DCTN6: variants seen among roughly 807,000 people sequenced by gnomAD.
DCTN6 encodes dynactin subunit 6.
Under a neutral mutation model 25.8 loss-of-function variants are expected in DCTN6, and 15 were observed. The observed-to-expected ratio is 0.58, with a 90% CI of 0.39 to 0.89. DCTN6 has a LOEUF of 0.89. DCTN6 is among the 40% of genes least tolerant of loss of function. The pLI, the probability that DCTN6 is intolerant of heterozygous loss-of-function variation, is 0.00. For synonymous variants in DCTN6, 64 were observed against 78.3 expected, an observed-to-expected ratio of 0.82 and a Z score of 0.96; for missense variants, 198 against 237.6, an observed-to-expected ratio of 0.83 and a Z score of 1.09.
chr8:30,178,367 G>A lies in DCTN6; in HGVS notation c.284-1041G>A, dbSNP rs143397985. ...AATCCCAGCTACTCGGGAGGCTGAG[G>A]CAGGAGAATCACTTGAACCCAGGAG... On this transcript the variant is annotated intron_variant, in intron 4 of 6. Coordinates refer to ENST00000221114, the MANE Select transcript of DCTN6 (RefSeq NM_006571.4). 2.0e-3 allele frequency among the ~76,000 whole-genome samples: 309 copies of A among 151,892 alleles called. 2 individuals carry two copies. The highest frequency in any genetic ancestry group is 7.1e-3 in the African/African-American group (296 of 41,430).
Position 30,163,764 on chromosome 8 carries a change from G to A in DCTN6, c.24-347G>A, listed in dbSNP as rs140440455. Among the ~76,000 whole-genome samples the A allele has an allele frequency of 9.4e-5, 14 of 148,976 alleles. No homozygotes were observed. In the East Asian group the frequency reaches 2.0e-3, roughly 21 times the overall value. On this transcript the variant is annotated intron_variant, in intron 1 of 6. Transcript: ENST00000221114. ...GTTGCCCATGCTTGAGTGCAATGGCGCGATCTCGGCTCACTGCAAACTCTG... is the reference window on the plus strand; with the variant it reads ...GTTGCCCATGCTTGAGTGCAATGGCACGATCTCGGCTCACTGCAAACTCTG...
chr8:30,173,353 A>G (rs370524545), intron 2 of DCTN6, among the ~76,000 whole-genome samples: 13 of 152,372 alleles, frequency 8.5e-5, no homozygotes, highest in African/African-American at 3.1e-4. Context: ...CAAGTTCAAA[A>G]GGACAAAAAT....
At chr8:30,174,293 T>TC (rs1218668014) in intron 2 of DCTN6, among the ~76,000 whole-genome samples, 1 of 151,856 alleles carries the variant, frequency 6.6e-6, no homozygotes, top group African/African-American at 2.4e-5. Context: ...AGCTGTTAGA[T>TC]CCCATAATTT....
At chr8:30,173,743 A>C (rs1803794162) in intron 2 of DCTN6, among the ~76,000 whole-genome samples, 1 of 148,534 alleles carries the variant, frequency 6.7e-6, no homozygotes. Flanking sequence ...AAAAAAAAAA[A>C]AAAAAAAAAA....
intron 1 of DCTN6, among the ~76,000 whole-genome samples, chr8:30,161,000 C>T (rs1585498096): frequency 6.6e-6 from 1 of 152,138 alleles, no homozygotes; most frequent in East Asian, 1.9e-4. Context: ...GCTACCAGTG[C>T]ATTTGATATG....
At chr8:30,173,754 A>T (rs1803794759) in intron 2 of DCTN6, among the ~76,000 whole-genome samples, 1 of 147,020 alleles carries the variant, frequency 6.8e-6, no homozygotes, top group Middle Eastern at 3.4e-3. Flanking sequence ...AAAAAAAAAA[A>T]CCAGTTTACA....
At chr8:30,157,180 G>A (rs10954881) in intron 1 of DCTN6, among the ~76,000 whole-genome samples, 80,730 of 152,078 alleles carry the variant, frequency 0.53, 25,345 homozygotes, top group Non-Finnish European at 0.7. Flanking sequence ...ACTTAAAAGT[G>A]AGAACATGTG....
chr8:30,177,377 C>T, intron 4 of DCTN6, 163 bp downstream of exon 4: 1 of 560,866 alleles, frequency 1.8e-6, no homozygotes, highest in Non-Finnish European at 3.1e-6. Context: ...AACATACTTA[C>T]ATTCACAATA....
chr8:30,178,141 T>A (rs1803866027), intron 4 of DCTN6, among the ~76,000 whole-genome samples: 1 of 152,144 alleles, frequency 6.6e-6, no homozygotes, highest in South Asian at 2.1e-4. Context: ...TGTCTCCAGT[T>A]CTTTTGCTTA....
intron 2 of DCTN6, chr8:30,165,843 A>G (rs950634548): frequency 1.3e-5 from 2 of 152,020 alleles, no homozygotes; most frequent in African/African-American, 2.4e-5. Context: ...CCTGGGCAAC[A>G]AGAGCGAAAC....
At chr8:30,175,946 A>T (rs1322329533) in intron 3 of DCTN6, among the ~76,000 whole-genome samples, 1 of 152,242 alleles carries the variant, frequency 6.6e-6, no homozygotes. Flanking sequence ...TAAGTCAATT[A>T]ACAGCAACTA....
At chr8:30,169,970 T>C (rs958931517) in intron 2 of DCTN6, among the ~76,000 whole-genome samples, 2 of 152,126 alleles carry the variant, frequency 1.3e-5, no homozygotes, top group Admixed American at 6.5e-5. Context: ...CTCAAGAGTT[T>C]GAGACCAGCC....
chr8:30,178,447 G>A (rs1803872032), intron 4 of DCTN6, among the ~76,000 whole-genome samples: 1 of 142,058 alleles, frequency 7.0e-6, no homozygotes, highest in South Asian at 2.2e-4. Context: ...TGGGCAATGA[G>A]CGAAACTCCG....
intron 6 of DCTN6, among the ~76,000 whole-genome samples, chr8:30,182,452 T>C (rs1368440272): frequency 6.6e-6 from 1 of 152,114 alleles, no homozygotes; most frequent in Non-Finnish European, 1.5e-5. Flanking sequence ...ACTTATGTGG[T>C]CTTCTGTAAT....
At chr8:30,162,992 AT>A (rs5890501) in intron 1 of DCTN6, among the ~76,000 whole-genome samples, 119,938 of 150,348 alleles carry the variant, frequency 0.8, 49,552 homozygotes, top group Non-Finnish European at 0.92. Flanking sequence ...ATCATTCCAT[AT>A]TTTTTTTTTT....
intron 2 of DCTN6, among the ~76,000 whole-genome samples, chr8:30,169,226 T>A (rs1803727745): frequency 6.6e-6 from 1 of 152,200 alleles, no homozygotes. Context: ...TTATCACCTA[T>A]AAAGCACTCT....
chr8:30,158,687 T>C (rs1178558735), intron 1 of DCTN6, among the ~76,000 whole-genome samples: 1 of 149,010 alleles, frequency 6.7e-6, no homozygotes, highest in Non-Finnish European at 1.5e-5. Flanking sequence ...TTTTCTGTTA[T>C]TTCAGTAGAT....
chr8:30,178,529 G>T (rs1585505914), intron 4 of DCTN6, among the ~76,000 whole-genome samples: 1 of 148,720 alleles, frequency 6.7e-6, no homozygotes, highest in Non-Finnish European at 1.5e-5. Context: ...ACATACTATA[G>T]TAGAAAATAT....
In DCTN6 at chr8:30,164,101, C is replaced by T; in HGVS notation, c.24-10C>T. 6.2e-7 allele frequency: 1 copy of T among 1,611,832 alleles called. No homozygotes were observed. Among genetic ancestry groups the T allele is most frequent in the Non-Finnish European group, 8.5e-7 (1 of 1,178,070 alleles). On this transcript the variant is annotated splice_polypyrimidine_tract_variant and intron_variant, in intron 1 of 6. Coordinates refer to ENST00000221114, the MANE Select transcript of DCTN6 (RefSeq NM_006571.4). The stretch of plus-strand genomic sequence containing the variant: ...TACCCCTGGTAAATGTTACCTTTTT[C>T]TTGCTACAGTGTGAAGATTGCTCCT...
Sources: allele counts gnomAD v4.1 joint callset (sites outside exome capture counted in the v4.1 genomes callset), GRCh38; gene constraint gnomAD v4.1.1; transcripts MANE v1.5; gene names NCBI Gene and HGNC (gene_info 2026-07-23, HGNC 2026-07-21).